KCNK13: variants seen among roughly 807,000 people sequenced by gnomAD.
KCNK13 encodes the protein potassium channel subfamily K member 13.
In KCNK13, 12 loss-of-function variants were observed where a neutral mutation model predicts 23.4. The observed-to-expected ratio is 0.51, with a 90% CI of 0.33 to 0.83. The LOEUF (loss-of-function observed/expected upper bound fraction) is 0.83. Among genes scored for constraint, KCNK13 ranks in the 40% least tolerant of loss-of-function variants. KCNK13 has a pLI of 0.02. For synonymous variants in KCNK13, 231 were observed against 229.5 expected, an observed-to-expected ratio of 1.01 and a Z score of -0.06; for missense variants, 463 against 556.3, an observed-to-expected ratio of 0.83 and a Z score of 1.69.
chr14:90,143,596 G>GT (rs1208516713), intron 1 of KCNK13, among the ~76,000 whole-genome samples: 1 of 152,122 alleles, frequency 6.6e-6, no homozygotes, highest in African/African-American at 2.4e-5. Flanking sequence ...ATCAAGTAGT[G>GT]TAAGTCTTGT....
At chr14:90,093,542 C>T (rs1222758998) in intron 1 of KCNK13, among the ~76,000 whole-genome samples, 1 of 152,164 alleles carries the variant, frequency 6.6e-6, no homozygotes. Flanking sequence ...GCTTTTGATG[C>T]TGTATTCCGA....
intron 1 of KCNK13, among the ~76,000 whole-genome samples, chr14:90,115,492 ATCT>A (rs1384532147): frequency 2.0e-5 from 3 of 152,176 alleles, no homozygotes; most frequent in Admixed American, 1.3e-4. Flanking sequence ...GGTGCTGAAC[ATCT>A]TCTTGTGTTT....
intron 1 of KCNK13, among the ~76,000 whole-genome samples, chr14:90,072,726 G>T (rs1331665757): frequency 6.6e-6 from 1 of 152,152 alleles, no homozygotes; most frequent in Non-Finnish European, 1.5e-5. Context: ...AAATCTATAA[G>T]TATGTATGGA....
intron 1 of KCNK13, among the ~76,000 whole-genome samples, chr14:90,100,284 T>C (rs1434470027): frequency 6.6e-6 from 1 of 152,180 alleles, no homozygotes; most frequent in Non-Finnish European, 1.5e-5. Flanking sequence ...AACTCTATAA[T>C]AGGTGCCGTG....
At chr14:90,156,048 A>G (rs1445256134) in intron 1 of KCNK13, among the ~76,000 whole-genome samples, 1 of 152,060 alleles carries the variant, frequency 6.6e-6, no homozygotes, top group Non-Finnish European at 1.5e-5. Context: ...TACAAAAAAT[A>G]TGAAAATTAC....
At chr14:90,145,537 C>T (rs369382359) in intron 1 of KCNK13, among the ~76,000 whole-genome samples, 33 of 151,396 alleles carry the variant, frequency 2.2e-4, no homozygotes, top group African/African-American at 7.5e-4. Context: ...ATGAGAGATA[C>T]TAGTATGTAC....
intron 1 of KCNK13, among the ~76,000 whole-genome samples, chr14:90,179,967 G>A (rs542020688): frequency 9.2e-5 from 14 of 152,268 alleles, no homozygotes; most frequent in South Asian, 6.2e-4. Context: ...CAGCCACTGC[G>A]GTCTGGGTGT....
chr14:90,107,826 C>G, intron 1 of KCNK13: 1 of 866,138 alleles, frequency 1.2e-6, no homozygotes, highest in South Asian at 1.3e-5. Flanking sequence ...ATCACAACCA[C>G]CAACCACACT....
chr14:90,091,197 G>T (rs982989248), intron 1 of KCNK13, among the ~76,000 whole-genome samples: 1 of 152,116 alleles, frequency 6.6e-6, no homozygotes, highest in African/African-American at 2.4e-5. Context: ...TTTTTAAATT[G>T]CATCCAGTTT....
chr14:90,089,865 C>T (rs1304719889), intron 1 of KCNK13, among the ~76,000 whole-genome samples: 2 of 152,202 alleles, frequency 1.3e-5, no homozygotes, highest in Non-Finnish European at 2.9e-5. Flanking sequence ...TGGTAGCTTC[C>T]GTGTGGTGTT....
chr14:90,072,157 A>G (rs575335174), intron 1 of KCNK13, among the ~76,000 whole-genome samples: 16 of 152,222 alleles, frequency 1.1e-4, no homozygotes, highest in African/African-American at 3.6e-4. Flanking sequence ...ATTGCCAGAC[A>G]TTATACCAGG....
At chr14:90,153,104 T>C (rs1890155275) in intron 1 of KCNK13, among the ~76,000 whole-genome samples, 2 of 152,128 alleles carry the variant, frequency 1.3e-5, no homozygotes, top group Non-Finnish European at 2.9e-5. Flanking sequence ...CTAGACCACA[T>C]GTACTGATTC....
intron 1 of KCNK13, among the ~76,000 whole-genome samples, chr14:90,168,526 C>T (rs1349699528): frequency 6.6e-6 from 1 of 152,184 alleles, no homozygotes; most frequent in Non-Finnish European, 1.5e-5. Flanking sequence ...CTGTCTACCC[C>T]AGTGCCATGA....
At chr14:90,107,948 A>C in intron 1 of KCNK13, 2 of 739,328 alleles carry the variant, frequency 2.7e-6, no homozygotes, top group Middle Eastern at 2.4e-4. Flanking sequence ...TATGCAATAG[A>C]GTGGGGAACT....
intron 1 of KCNK13, among the ~76,000 whole-genome samples, chr14:90,087,156 T>TATATATA (rs1555401790): frequency 3.1e-4 from 37 of 117,726 alleles, no homozygotes; most frequent in African/African-American, 1.0e-3. Flanking sequence ...ATATATATAT[T>TATATATA]TTTTTTTTTT....
chr14:90,117,579 G>A (rs1231804973), intron 1 of KCNK13, among the ~76,000 whole-genome samples: 3 of 151,942 alleles, frequency 2.0e-5, no homozygotes, highest in Non-Finnish European at 4.4e-5. Flanking sequence ...GAGACAGAGC[G>A]AGACTCTGTC....
chr14:90,064,982 T>G (rs1167954151), intron 1 of KCNK13, among the ~76,000 whole-genome samples: 2 of 152,130 alleles, frequency 1.3e-5, no homozygotes, highest in African/African-American at 4.8e-5. Flanking sequence ...CCGTTATAGA[T>G]GAAAAAGCTG....
chr14:90,154,165 T>A (rs1197774841), intron 1 of KCNK13, among the ~76,000 whole-genome samples: 1 of 152,132 alleles, frequency 6.6e-6, no homozygotes, highest in African/African-American at 2.4e-5. Context: ...TCCTGAATGA[T>A]CTCTACCAAC....
chr14:90,141,931 T>C (rs757149218), intron 1 of KCNK13, among the ~76,000 whole-genome samples: 123 of 151,426 alleles, frequency 8.1e-4, no homozygotes, highest in Non-Finnish European at 1.3e-3. Context: ...TACAGGTGCC[T>C]GCCACCATGC....
Sources: allele counts gnomAD v4.1 joint callset (sites outside exome capture counted in the v4.1 genomes callset), GRCh38; gene constraint gnomAD v4.1.1; transcripts MANE v1.5; gene names NCBI Gene and HGNC (gene_info 2026-07-23, HGNC 2026-07-21).